PDSS2: variants seen among roughly 807,000 people sequenced by gnomAD.
The protein encoded by PDSS2 is decaprenyl diphosphate synthase subunit 2.
Under a neutral mutation model 44.5 loss-of-function variants are expected in PDSS2, and 31 were observed. The ratio of observed to expected loss-of-function variants is 0.70; its 90% CI spans 0.52 to 0.94. PDSS2 has a LOEUF of 0.94. PDSS2 is among the 40% of genes least tolerant of loss of function. PDSS2 has a pLI of 0.00. For missense variants in PDSS2, 452 were observed against 482.2 expected, an observed-to-expected ratio of 0.94 and a Z score of 0.59; for synonymous variants, 157 against 180.3, an observed-to-expected ratio of 0.87 and a Z score of 1.03.
At chr6:107,401,524 T>C (rs1205601922) in intron 1 of PDSS2, among the ~76,000 whole-genome samples, 2 of 152,176 alleles carry the variant, frequency 1.3e-5, no homozygotes, top group Non-Finnish European at 2.9e-5. Context: ...CAAGGTGCTA[T>C]GAGATCCTCA....
chr6:107,382,550 T>C (rs563141979), intron 1 of PDSS2, among the ~76,000 whole-genome samples: 2 of 152,246 alleles, frequency 1.3e-5, no homozygotes, highest in South Asian at 4.1e-4. Context: ...TAAAAACTTA[T>C]ATTTGGTCAG....
chr6:107,168,258 T>C (rs1329668666), intron 7 of PDSS2, among the ~76,000 whole-genome samples: 1 of 152,210 alleles, frequency 6.6e-6, no homozygotes, highest in Non-Finnish European at 1.5e-5. Context: ...TTTTGATCTT[T>C]GTTGGTTTAA....
chr6:107,347,829 T>A (rs1265010461), intron 1 of PDSS2, among the ~76,000 whole-genome samples: 1 of 152,230 alleles, frequency 6.6e-6, no homozygotes, highest in African/African-American at 2.4e-5. Context: ...AATGGCTATA[T>A]GTTGTCCTAA....
chr6:107,258,158 C>A (rs563209046), intron 3 of PDSS2, among the ~76,000 whole-genome samples: 66 of 152,214 alleles, frequency 4.3e-4, no homozygotes, highest in African/African-American at 1.6e-3. Flanking sequence ...AACACAAATC[C>A]GCCATAAAGA....
intron 1 of PDSS2, among the ~76,000 whole-genome samples, chr6:107,359,222 G>A (rs1238244183): frequency 6.6e-6 from 1 of 151,376 alleles, no homozygotes; most frequent in Non-Finnish European, 1.5e-5. Flanking sequence ...ATGTTGGCCA[G>A]GCTGGTCTCA....
chr6:107,245,000 C>A lies in PDSS2; in HGVS notation c.702+548G>T, dbSNP rs187754702. Among the ~76,000 whole-genome samples, 418 of 152,146 alleles carry A rather than the reference C, an allele frequency of 2.7e-3. 3 individuals carry two copies. Among genetic ancestry groups the A allele is most frequent in the African/African-American group, 9.0e-3 (373 of 41,538 alleles). On this transcript the variant is annotated intron_variant, in intron 4 of 7. Coordinates refer to ENST00000369037, the MANE Select transcript of PDSS2 (RefSeq NM_020381.4). ...TCTTGAGATGTCCTGCTAAATGAGTCAAAAAAATCTTAATTCTAGACCTAT... is the reference window on the plus strand; with the variant it reads ...TCTTGAGATGTCCTGCTAAATGAGTAAAAAAAATCTTAATTCTAGACCTAT...
chr6:107,176,413 A>AAC (rs1276770931), intron 7 of PDSS2, among the ~76,000 whole-genome samples: 9 of 96,088 alleles, frequency 9.4e-5, no homozygotes, highest in Admixed American at 3.5e-4. Flanking sequence ...ATTCCCCCTT[A>AAC]ACACACACAC....
intron 2 of PDSS2, among the ~76,000 whole-genome samples, chr6:107,324,700 T>C (rs1343923345): frequency 6.6e-6 from 1 of 152,162 alleles, no homozygotes; most frequent in African/African-American, 2.4e-5. Context: ...AAACCATAAC[T>C]GATTTTTAAA....
chr6:107,379,171 T>C (rs1180087344), intron 1 of PDSS2, among the ~76,000 whole-genome samples: 1 of 152,244 alleles, frequency 6.6e-6, no homozygotes, highest in Non-Finnish European at 1.5e-5. Context: ...ATTTATTCAA[T>C]CATTTATATC....
At chr6:107,412,108 G>A (rs943964893) in intron 1 of PDSS2, among the ~76,000 whole-genome samples, 3 of 151,156 alleles carry the variant, frequency 2.0e-5, no homozygotes, top group African/African-American at 4.9e-5. Flanking sequence ...GGCTGGTCTC[G>A]AACTCCTGAC....
chr6:107,376,935 C>A (rs1324631995), intron 1 of PDSS2, among the ~76,000 whole-genome samples: 2 of 151,858 alleles, frequency 1.3e-5, no homozygotes, highest in Non-Finnish European at 2.9e-5. Context: ...CATAAAAACC[C>A]TAGAAGAAAA....
intron 4 of PDSS2, among the ~76,000 whole-genome samples, chr6:107,235,220 A>C (rs1385329539): frequency 6.6e-6 from 1 of 152,206 alleles, no homozygotes; most frequent in African/African-American, 2.4e-5. Flanking sequence ...ACACAAGAAG[A>C]GAGAGCTGCA....
At chr6:107,402,487 C>CGTATATATAT (rs1562516223) in intron 1 of PDSS2, among the ~76,000 whole-genome samples, 7 of 37,578 alleles carry the variant, frequency 1.9e-4, no homozygotes, top group Non-Finnish European at 3.6e-4. Flanking sequence ...TACATATATA[C>CGTATATATAT]GTATATATGT....
chr6:107,318,937 G>A (rs551886819), intron 2 of PDSS2, among the ~76,000 whole-genome samples: 15 of 152,114 alleles, frequency 9.9e-5, no homozygotes, highest in South Asian at 2.1e-4. Context: ...GCAGTGAGCC[G>A]AGATTGTGCC....
chr6:107,319,505 G>A (rs1777316685), intron 2 of PDSS2, among the ~76,000 whole-genome samples: 1 of 152,054 alleles, frequency 6.6e-6, no homozygotes, highest in South Asian at 2.1e-4. Flanking sequence ...AAGACAACGT[G>A]GTACCTGACG....
intron 7 of PDSS2, among the ~76,000 whole-genome samples, chr6:107,168,552 A>T (rs565687669): frequency 1.3e-5 from 2 of 151,464 alleles, no homozygotes; most frequent in East Asian, 3.9e-4. Context: ...TCGTTACTGG[A>T]TGCAGTTTCT....
At chr6:107,451,305 G>A (rs191139929) in intron 1 of PDSS2, among the ~76,000 whole-genome samples, 1 of 152,154 alleles carries the variant, frequency 6.6e-6, no homozygotes. Flanking sequence ...CCCATTGTTG[G>A]TAGAAGAGCT....
chr6:107,301,701 C>T (rs576010443), intron 2 of PDSS2, among the ~76,000 whole-genome samples: 2 of 151,990 alleles, frequency 1.3e-5, no homozygotes, highest in African/African-American at 2.4e-5. Context: ...TGGTGGCTCA[C>T]ACCTGTAAGC....
intron 2 of PDSS2, among the ~76,000 whole-genome samples, chr6:107,321,212 T>C (rs1777371565): frequency 1.3e-5 from 2 of 152,124 alleles, no homozygotes; most frequent in Admixed American, 6.5e-5. Flanking sequence ...AATGAATGAA[T>C]GAATGAGCAA....
Sources: gnomAD v4.1 joint callset for allele counts (sites outside exome capture counted in the v4.1 genomes callset) on GRCh38, gnomAD v4.1.1 for gene constraint, MANE v1.5 for transcripts, NCBI Gene and HGNC (gene_info 2026-07-23, HGNC 2026-07-21) for gene names.